SEC63: variants seen among roughly 807,000 people sequenced by gnomAD.
SEC63 encodes translocation protein SEC63 homolog.
Under a neutral mutation model 116.2 loss-of-function variants are expected in SEC63, and 56 were observed. The ratio of observed to expected loss-of-function variants is 0.48; its 90% confidence interval spans 0.39 to 0.60. SEC63 has a LOEUF of 0.60. SEC63 is among the 20% of genes least tolerant of loss of function. The pLI, the probability that SEC63 is intolerant of heterozygous loss-of-function variation, is 0.00. For synonymous variants in SEC63, 273 were observed against 294.6 expected, an observed-to-expected ratio of 0.93 and a Z score of 0.75; for missense variants, 668 against 900.0, an observed-to-expected ratio of 0.74 and a Z score of 3.30.
intron 4 of SEC63, among the ~76,000 whole-genome samples, chr6:107,917,362 CCTCT>C (rs373200903): frequency 6.6e-4 from 100 of 152,242 alleles, no homozygotes; most frequent in Middle Eastern, 3.4e-3. Flanking sequence ...CCACTTCACA[CCTCT>C]CTATTTCTGT....
At chr6:107,947,230 G>A (rs1244168502) in intron 1 of SEC63, among the ~76,000 whole-genome samples, 1 of 152,164 alleles carries the variant, frequency 6.6e-6, no homozygotes, top group African/African-American at 2.4e-5. Context: ...CTGGGAGGCA[G>A]AGGTTGCAGT....
chr6:107,924,247 G>A (rs1453409109), intron 3 of SEC63, among the ~76,000 whole-genome samples: 47 of 144,424 alleles, frequency 3.3e-4, no homozygotes, highest in African/African-American at 1.2e-3. Context: ...CTGGGCAACA[G>A]AGCAAAACTC....
At chr6:107,894,027 C>T (rs148821193) in intron 14 of SEC63, 130 bp from the exon 15 acceptor site, 14 of 959,590 alleles carry the variant, frequency 1.5e-5, no homozygotes, top group South Asian at 8.7e-5. Flanking sequence ...AAGAAGGAGA[C>T]GTTTAGCAAT....
At chr6:107,887,610 A>AG (rs1217976439) in intron 16 of SEC63, among the ~76,000 whole-genome samples, 1 of 138,266 alleles carries the variant, frequency 7.2e-6, no homozygotes, top group African/African-American at 2.6e-5. Flanking sequence ...GGGTGGGGGA[A>AG]GGGGGGAGGG....
intron 1 of SEC63, among the ~76,000 whole-genome samples, chr6:107,935,350 G>A (rs555015538): frequency 1.2e-3 from 183 of 151,784 alleles, no homozygotes; most frequent in African/African-American, 4.3e-3. Flanking sequence ...GAATAGAAAG[G>A]GGGGAAAGGT....
chr6:107,900,325 C>T (rs1344578671), intron 13 of SEC63, among the ~76,000 whole-genome samples: 1 of 151,988 alleles, frequency 6.6e-6, no homozygotes, highest in Non-Finnish European at 1.5e-5. Context: ...AAGCCTATTG[C>T]TTCAACTAGA....
At position 107,924,935 on chromosome 6, in the gene SEC63, G is replaced by A; in HGVS notation, c.225-3C>T. 6.6e-7 allele frequency: 1 copy of A among 1,526,416 alleles called. No individual in the cohort carries two copies. The highest frequency in any genetic ancestry group is 9.1e-7 in the Non-Finnish European group (1 of 1,100,692). The allele number at this position is 1,526,416 out of a possible 1,614,324, so 94.6% of individuals were successfully genotyped here. Reference sequence around the variant, plus strand: ...ATCCTGCAAGCAGAACTATTTTCCTGTTTAGGAAAAAGGTAAGTGAATCAT... The same window carrying A: ...ATCCTGCAAGCAGAACTATTTTCCTATTTAGGAAAAAGGTAAGTGAATCAT... On this transcript the variant is annotated splice_region_variant and splice_polypyrimidine_tract_variant and intron_variant, in intron 2 of 20. Transcript: ENST00000369002.
chr6:107,897,863 T>TA (rs1295398221), intron 13 of SEC63, 132 bp from the exon 14 acceptor site: 36 of 686,506 alleles, frequency 5.2e-5, no homozygotes, highest in Admixed American at 5.1e-4. Context: ...TTAAATTTGT[T>TA]AAAAAAATAA....
chr6:107,940,455 T>C (rs1770351822), intron 1 of SEC63, among the ~76,000 whole-genome samples: 1 of 152,108 alleles, frequency 6.6e-6, no homozygotes, highest in African/African-American at 2.4e-5. Flanking sequence ...GACTATACAA[T>C]TCTTATAATT....
chr6:107,924,114 A>C (rs1787616977), intron 3 of SEC63, among the ~76,000 whole-genome samples: 1 of 151,306 alleles, frequency 6.6e-6, no homozygotes, highest in Non-Finnish European at 1.5e-5. Flanking sequence ...AATACAAAAA[A>C]TTAGCCAGGC....
chr6:107,954,621 G>A (rs904034302), intron 1 of SEC63: 2 of 152,120 alleles, frequency 1.3e-5, no homozygotes, highest in African/African-American at 4.8e-5. Context: ...TTTATTAAGT[G>A]AGATAAAGAT....
In SEC63 at chr6:107,921,776, G is replaced by A. The variant is rs371331612; in HGVS notation, c.452+21C>T. 7 of 1,459,292 alleles carry A rather than the reference G, an allele frequency of 4.8e-6. No homozygotes were observed. In the East Asian group the frequency reaches 6.8e-5, roughly 14 times the overall value. 90.4% of individuals were successfully genotyped at this position (1,459,292 alleles called of 1,614,324 possible). A position where few individuals can be genotyped will look rare whatever the true frequency, so the allele number is the denominator to read the frequency against. ...TTATCTGTACCATTCTTAAAAATTT[G>A]TAATGGATCCTGATACTTACGCAGC... is the stretch of plus-strand genomic sequence containing the variant. On this transcript the variant is annotated intron_variant, in intron 4 of 20. Transcript: ENST00000369002.
rs965559270 is a variant in SEC63, at chr6:107,870,815, A to C, written c.*889T>G. 5 of 152,186 alleles carry C rather than the reference A, an allele frequency of 3.3e-5. No homozygotes were observed. The highest frequency in any genetic ancestry group is 7.3e-5 in the Non-Finnish European group (5 of 68,028). 9.4% of individuals were successfully genotyped at this position (152,186 alleles called of 1,614,324 possible). On this transcript the variant is annotated 3_prime_UTR_variant, in exon 21 of 21. Coordinates refer to ENST00000369002, the MANE Select transcript of SEC63 (RefSeq NM_007214.5). ...ATTGACAGGAGTCCAAAATGAATAC[A>C]AAAAAAGCTTCCTTTGCATGTTATA...
At chr6:107,873,695 A>G (rs1240724875) in intron 19 of SEC63, among the ~76,000 whole-genome samples, 1 of 152,172 alleles carries the variant, frequency 6.6e-6, no homozygotes, top group African/African-American at 2.4e-5. Context: ...ACAAATAGGT[A>G]TTTATATTTC....
intron 4 of SEC63, among the ~76,000 whole-genome samples, chr6:107,914,571 C>A (rs746157913): frequency 5.3e-5 from 8 of 152,112 alleles, no homozygotes; most frequent in Admixed American, 3.9e-4. Context: ...TCCACTTACA[C>A]TATTTGATGA....
At chr6:107,939,532 G>A (rs1562338251) in intron 1 of SEC63, among the ~76,000 whole-genome samples, 2 of 152,042 alleles carry the variant, frequency 1.3e-5, no homozygotes, top group African/African-American at 2.4e-5. Context: ...CAGACGGATC[G>A]CGTGAGGTCA....
chr6:107,894,939 T>G (rs764515475), intron 14 of SEC63, among the ~76,000 whole-genome samples: 1 of 152,076 alleles, frequency 6.6e-6, no homozygotes, highest in Non-Finnish European at 1.5e-5. Context: ...ACCACACCCA[T>G]CTGTAAGTTC....
chr6:107,909,468 C>T (rs1787227626), intron 7 of SEC63, among the ~76,000 whole-genome samples: 1 of 151,470 alleles, frequency 6.6e-6, no homozygotes, highest in South Asian at 2.1e-4. Flanking sequence ...ATTCATAAAA[C>T]AATAAAAATA....
chr6:107,893,432 G>A (rs1280501257), intron 16 of SEC63, 50 bp downstream of exon 16: 16 of 1,549,782 alleles, frequency 1.0e-5, no homozygotes, highest in Non-Finnish European at 1.4e-5. Flanking sequence ...GAACATTTTA[G>A]TTTGTATATT....
Sources: allele counts gnomAD v4.1 joint callset (sites outside exome capture counted in the v4.1 genomes callset), GRCh38; gene constraint gnomAD v4.1.1; transcripts MANE v1.5; gene names NCBI Gene and HGNC (gene_info 2026-07-23, HGNC 2026-07-21).